SLC24A2: variants seen among roughly 807,000 people sequenced by gnomAD.
SLC24A2 encodes the protein solute carrier family 24 member 2, also known as sodium/potassium/calcium exchanger 2.
SLC24A2 carries 36 observed loss-of-function variants against 62.0 expected under a neutral mutation model. The ratio of observed to expected loss-of-function variants is 0.58; its 90% CI spans 0.44 to 0.77. SLC24A2 has a LOEUF of 0.77. Ranked by LOEUF, SLC24A2 falls within the 30% of genes least tolerant of loss-of-function variation. The pLI, the probability that SLC24A2 is intolerant of heterozygous loss-of-function variation, is 0.00. For synonymous variants in SLC24A2, 358 were observed against 294.0 expected (o/e 1.22, Z -2.23); for missense variants, 846 against 817.9 (o/e 1.03, Z -0.42).
the SLC24A2 span, among the ~76,000 whole-genome samples, chr9:20,014,783 G>A: frequency 2.0e-5 from 3 of 152,102 alleles, no homozygotes; most frequent in Non-Finnish European, 4.4e-5. Context: ...CAAAGTTTCA[G>A]ATAGACAGAA....
chr9:19,698,593 C>T (rs1015328186), intron 2 of SLC24A2, among the ~76,000 whole-genome samples: 2 of 152,202 alleles, frequency 1.3e-5, no homozygotes, highest in Non-Finnish European at 2.9e-5. Flanking sequence ...TTAATGACTT[C>T]AGTCATTCAT....
At chr9:20,129,693 G>C in the SLC24A2 span, among the ~76,000 whole-genome samples, 39 of 152,044 alleles carry the variant, frequency 2.6e-4, no homozygotes, top group Admixed American at 1.7e-3. Context: ...CACAAGTTTT[G>C]TGAATTGATT....
chr9:20,260,697 G>C, the SLC24A2 span, among the ~76,000 whole-genome samples: 3 of 151,862 alleles, frequency 2.0e-5, no homozygotes, highest in African/African-American at 7.3e-5. Flanking sequence ...GGTGGTGTTT[G>C]GCTACATGAA....
chr9:19,568,674 G>A (rs577171875), intron 7 of SLC24A2, among the ~76,000 whole-genome samples: 1 of 152,300 alleles, frequency 6.6e-6, no homozygotes, highest in South Asian at 2.1e-4. Flanking sequence ...TTGAATTCAG[G>A]TGGTCCATCC....
the SLC24A2 span, among the ~76,000 whole-genome samples, chr9:20,020,628 G>A: frequency 6.6e-6 from 1 of 152,206 alleles, no homozygotes; most frequent in Non-Finnish European, 1.5e-5. Context: ...GTAGATGATG[G>A]GTTGATGGGT....
the SLC24A2 span, among the ~76,000 whole-genome samples, chr9:20,096,042 G>A: frequency 6.6e-6 from 1 of 152,032 alleles, no homozygotes; most frequent in Non-Finnish European, 1.5e-5. Context: ...TGAGATGTAG[G>A]TGGGAACACA....
the SLC24A2 span, among the ~76,000 whole-genome samples, chr9:19,923,108 C>T: frequency 6.6e-6 from 1 of 151,852 alleles, no homozygotes. Flanking sequence ...ATTGTGGGCC[C>T]TCCACACTGT....
the SLC24A2 span, among the ~76,000 whole-genome samples, chr9:19,826,289 A>G: frequency 6.6e-6 from 1 of 151,940 alleles, no homozygotes; most frequent in Non-Finnish European, 1.5e-5. Flanking sequence ...ACCTTCTGTT[A>G]TGGTATTAGC....
chr9:20,235,646 A>C, the SLC24A2 span, among the ~76,000 whole-genome samples: 13 of 152,302 alleles, frequency 8.5e-5, no homozygotes, highest in African/African-American at 2.9e-4. Flanking sequence ...TTCTTTTACT[A>C]GGAAAGGGAA....
At chr9:19,573,328 A>G (rs1377306196) in intron 7 of SLC24A2, 23 bp downstream of exon 7, 2 of 1,449,340 alleles carry the variant, frequency 1.4e-6, no homozygotes, top group Non-Finnish European at 1.9e-6. Context: ...ACAGCCCAGA[A>G]GAGCAATGGA....
chr9:19,724,301 C>G (rs1821109923), intron 2 of SLC24A2, among the ~76,000 whole-genome samples: 1 of 152,056 alleles, frequency 6.6e-6, no homozygotes. Flanking sequence ...ATAAGGAATG[C>G]TAGGAAGAGA....
At chr9:19,918,446 G>A in the SLC24A2 span, among the ~76,000 whole-genome samples, 2 of 150,746 alleles carry the variant, frequency 1.3e-5, no homozygotes, top group Non-Finnish European at 2.9e-5. Flanking sequence ...TTGAGAATGT[G>A]TGTGGTTTTT....
intron 2 of SLC24A2, among the ~76,000 whole-genome samples, chr9:19,702,302 T>A (rs992332191): frequency 1.3e-5 from 2 of 152,202 alleles, no homozygotes; most frequent in African/African-American, 2.4e-5. Context: ...TGAAGAATAA[T>A]GTCTTATGCA....
intron 2 of SLC24A2, among the ~76,000 whole-genome samples, chr9:19,714,720 T>G (rs1820809848): frequency 1.3e-5 from 2 of 152,148 alleles, no homozygotes; most frequent in South Asian, 4.1e-4. Flanking sequence ...GTGAAACAAA[T>G]TAAGATATCT....
At chr9:20,128,368 T>C in the SLC24A2 span, among the ~76,000 whole-genome samples, 5 of 152,092 alleles carry the variant, frequency 3.3e-5, no homozygotes, top group Non-Finnish European at 7.4e-5. Context: ...ATCTTATGTC[T>C]TAAAAGATGT....
intron 7 of SLC24A2, among the ~76,000 whole-genome samples, chr9:19,559,274 A>G (rs1371688445): frequency 6.6e-6 from 1 of 152,252 alleles, no homozygotes; most frequent in African/African-American, 2.4e-5. Flanking sequence ...GGAAAATGCA[A>G]AAATTTTGTA....
At chr9:19,532,933 C>A (rs888177558) in intron 8 of SLC24A2, among the ~76,000 whole-genome samples, 4 of 152,002 alleles carry the variant, frequency 2.6e-5, no homozygotes, top group African/African-American at 7.2e-5. Flanking sequence ...CTTTTTCGGT[C>A]CTTAGTTTAT....
chr9:19,531,177 G>A (rs555655030), intron 8 of SLC24A2, among the ~76,000 whole-genome samples: 1 of 152,308 alleles, frequency 6.6e-6, no homozygotes, highest in South Asian at 2.1e-4. Flanking sequence ...TGGGCTAAGT[G>A]TTTCCTAACT....
the SLC24A2 span, among the ~76,000 whole-genome samples, chr9:20,240,938 C>T: frequency 9.2e-5 from 14 of 152,308 alleles, no homozygotes; most frequent in Admixed American, 7.2e-4. Context: ...CTCTACCACA[C>T]GCAGATGAAT....
Sources: allele counts gnomAD v4.1 joint callset (sites outside exome capture counted in the v4.1 genomes callset), GRCh38; gene constraint gnomAD v4.1.1; transcripts MANE v1.5; gene names NCBI Gene and HGNC (gene_info 2026-07-23, HGNC 2026-07-21).